The following THOC5 variants were observed in gnomAD, a reference collection of about 807,000 sequenced individuals.
The protein encoded by THOC5 is THO complex subunit 5.
THOC5 carries 43 observed loss-of-function variants against 92.9 expected under a neutral mutation model. The ratio of observed to expected loss-of-function variants is 0.46; its 90% CI spans 0.36 to 0.60. The LOEUF is 0.60. Among genes scored for constraint, THOC5 ranks in the 20% least tolerant of loss-of-function variants. The pLI is 0.00. For synonymous variants in THOC5, 296 were observed against 320.1 expected, an observed-to-expected ratio of 0.92 and a Z score of 0.80; for missense variants, 659 against 849.4, an observed-to-expected ratio of 0.78 and a Z score of 2.79.
intron 5 of THOC5, 76 bp from the exon 6 acceptor site, chr22:29,539,552 C>T (rs963155717): frequency 8.7e-6 from 13 of 1,499,596 alleles, no homozygotes; most frequent in African/African-American, 1.4e-5. Context: ...CAAAGTTATC[C>T]CCAACATATG....
chr22:29,524,515 C>G (rs1375410817), intron 12 of THOC5, among the ~76,000 whole-genome samples: 1 of 152,128 alleles, frequency 6.6e-6, no homozygotes, highest in Non-Finnish European at 1.5e-5. Context: ...TGTAGGGCAC[C>G]TGAGAAATGA....
intron 8 of THOC5, 122 bp from the exon 9 acceptor site, chr22:29,529,361 G>GGGGACT: frequency 9.9e-7 from 1 of 1,007,772 alleles, no homozygotes; most frequent in Non-Finnish European, 1.5e-6. Flanking sequence ...GACTAAGGGT[G>GGGGACT]GAAGGGCAAA....
intron 19 of THOC5, 45 bp downstream of exon 19, chr22:29,511,061 C>T: frequency 4.4e-6 from 7 of 1,585,158 alleles, no homozygotes; most frequent in Non-Finnish European, 5.2e-6. Context: ...GATCTCTGTC[C>T]CACATCACCA....
intron 8 of THOC5, among the ~76,000 whole-genome samples, chr22:29,530,621 A>G (rs1181088531): frequency 6.6e-6 from 1 of 152,198 alleles, no homozygotes; most frequent in Admixed American, 6.5e-5. Context: ...GCTAGACATC[A>G]CAGCTATAAG....
intron 17 of THOC5, among the ~76,000 whole-genome samples, chr22:29,514,991 C>T (rs1466133500): frequency 6.6e-6 from 1 of 151,518 alleles, no homozygotes; most frequent in Non-Finnish European, 1.5e-5. Flanking sequence ...AGGCATGGGC[C>T]ACCATGCCCA....
rs759789729 is a variant in THOC5, at chr22:29,525,901, T to C, written c.1112A>G (p.Asn371Ser). The C allele has an allele frequency of 1.7e-5, 27 of 1,613,854 alleles. No homozygotes were observed. In the South Asian group the frequency reaches 2.9e-4, roughly 17 times the overall value. The change falls in exon 12 of 20, where the codon AAC becomes AGC. Residue 371 changes from asparagine to serine, a missense_variant. Coordinates refer to ENST00000490103, the MANE Select transcript of THOC5 (RefSeq NM_003678.5). ...CACTTTGGCTTTTACTGTCATGATG[T>C]TGAGGTTCATGAGGTAGTAGAAAGT... ...HLTFYYLMNL[N>S]IMTVKAKVTT...
At chr22:29,522,652 A>G (rs555811376) in intron 12 of THOC5, among the ~76,000 whole-genome samples, 121 of 152,102 alleles carry the variant, frequency 8.0e-4, no homozygotes, top group Non-Finnish European at 1.3e-3. Flanking sequence ...AAAACAAAAA[A>G]ACTTCTCAAC....
chr22:29,522,274 G>GGT (rs1490725199), intron 12 of THOC5, among the ~76,000 whole-genome samples: 4 of 151,694 alleles, frequency 2.6e-5, no homozygotes, highest in African/African-American at 7.3e-5. Context: ...GCAGGAGAAT[G>GGT]GTGTGAACCC....
At chr22:29,533,439 G>A (rs572536839) in intron 7 of THOC5, among the ~76,000 whole-genome samples, 57 of 151,872 alleles carry the variant, frequency 3.8e-4, no homozygotes, top group Non-Finnish European at 6.9e-4. Context: ...ATACCTATGT[G>A]GAAAGAAAAA....
chr22:29,511,082 C>T, intron 19 of THOC5, 24 bp downstream of exon 19: 1 of 1,604,678 alleles, frequency 6.2e-7, no homozygotes, highest in Non-Finnish European at 8.5e-7. Context: ...TGAGAAGTCA[C>T]CAGAGCCCCA....
chr22:29,544,346 A>T, intron 3 of THOC5, 114 bp downstream of exon 3: 1 of 1,157,454 alleles, frequency 8.6e-7, no homozygotes, highest in Non-Finnish European at 1.2e-6. Context: ...GGCTCCAATC[A>T]CCTGATCATG....
Position 29,520,009 on chromosome 22 carries a change from T to C in THOC5, c.1373A>G (p.Gln458Arg), listed in dbSNP as rs2063408679. Reference protein sequence around the residue: ...GGLHFPKEQPQQTVIADHSLS... With the variant: ...GGLHFPKEQPRQTVIADHSLS... ...ACTAGATGAGATCAGTGTACAGACC[T>C]GGGGCTGCTCTTTGGGGAAGTGGAG... The change falls in exon 14 of 20, where the codon CAG becomes CGG. Residue 458 changes from glutamine to arginine, a missense_variant and splice_region_variant. By Grantham distance (43) the Gln-to-Arg change is conservative. Coordinates refer to ENST00000490103, the MANE Select transcript of THOC5 (RefSeq NM_003678.5). 1.2e-6 allele frequency: 2 copies of C among 1,613,106 alleles called. No homozygotes were observed. The highest frequency in any genetic ancestry group is 4.5e-5 in the East Asian group (2 of 44,878).
chr22:29,510,351 C>T, intron 19 of THOC5, among the ~76,000 whole-genome samples: 1 of 152,214 alleles, frequency 6.6e-6, no homozygotes, highest in East Asian at 1.9e-4. Context: ...AATCCCAGCA[C>T]TTTGGGAGGC....
At chr22:29,510,249 A>G (rs938290391) in intron 19 of THOC5, among the ~76,000 whole-genome samples, 2 of 152,142 alleles carry the variant, frequency 1.3e-5, no homozygotes, top group African/African-American at 2.4e-5. Context: ...ACTTTATATG[A>G]ATTACTTCTG....
chr22:29,527,978 GT>G (rs2063575926), intron 11 of THOC5, 99 bp downstream of exon 11: 1 of 1,071,290 alleles, frequency 9.3e-7, no homozygotes, highest in Non-Finnish European at 1.4e-6. Context: ...GGAATCCTTT[GT>G]TGGGCAAATG....
chr22:29,542,156 A>C (rs901571281), intron 5 of THOC5, among the ~76,000 whole-genome samples: 2 of 152,040 alleles, frequency 1.3e-5, no homozygotes, highest in African/African-American at 4.8e-5. Context: ...CCAAAGAATA[A>C]AATCCATTTG....
intron 12 of THOC5, among the ~76,000 whole-genome samples, chr22:29,523,045 T>C (rs1417413474): frequency 6.7e-6 from 1 of 149,876 alleles, no homozygotes; most frequent in Non-Finnish European, 1.5e-5. Context: ...CTCTTAAGAC[T>C]GGCCTGGCCA....
intron 7 of THOC5, 33 bp downstream of exon 7, chr22:29,536,591 G>C: frequency 7.5e-7 from 1 of 1,338,266 alleles, no homozygotes. Flanking sequence ...CTGGTCAGTG[G>C]TGAAGGCAAA....
intron 2 of THOC5, among the ~76,000 whole-genome samples, chr22:29,547,292 C>T (rs1226615025): frequency 6.6e-6 from 1 of 152,194 alleles, no homozygotes; most frequent in Admixed American, 6.5e-5. Context: ...ACCTTTGCTG[C>T]AGTTTCCAAT....
Sources: gnomAD v4.1 joint callset for allele counts (sites outside exome capture counted in the v4.1 genomes callset) on GRCh38, gnomAD v4.1.1 for gene constraint, MANE v1.5 for transcripts, NCBI Gene and HGNC (gene_info 2026-07-23, HGNC 2026-07-21) for gene names.